CTNNAL1: variants seen among roughly 807,000 people sequenced by gnomAD.
CTNNAL1 encodes the protein alpha-catulin.
Under a neutral mutation model 93.6 loss-of-function variants are expected in CTNNAL1, and 69 were observed. That is an observed-to-expected ratio of 0.74 (90% CI 0.61 to 0.90). CTNNAL1 has a LOEUF of 0.90. CTNNAL1 is among the 40% of genes least tolerant of loss of function. The probability of loss-of-function intolerance (pLI) is 0.00; values close to 1 mark genes in which losing one functional copy is unlikely to be tolerated. For missense variants in CTNNAL1, 836 were observed against 862.0 expected (o/e 0.97, Z 0.38); for synonymous variants, 286 against 305.4 (o/e 0.94, Z 0.66).
intron 8 of CTNNAL1, 40 bp downstream of exon 8, chr9:108,976,922 A>G (rs1458924300): frequency 2.4e-6 from 2 of 819,900 alleles, no homozygotes; most frequent in Non-Finnish European, 3.7e-6. Context: ...CATGAAAATC[A>G]CAAAGAATTA....
chr9:108,960,658 A>C (rs781068344), intron 11 of CTNNAL1, among the ~76,000 whole-genome samples: 1 of 152,242 alleles, frequency 6.6e-6, no homozygotes, highest in Non-Finnish European at 1.5e-5. Context: ...AAATGATTGA[A>C]ATAGAACAAA....
intron 11 of CTNNAL1, among the ~76,000 whole-genome samples, chr9:108,964,341 A>C (rs184806328): frequency 2.9e-4 from 44 of 152,296 alleles, no homozygotes; most frequent in African/African-American, 1.1e-3. Context: ...CATACTCAAT[A>C]AAAAATATGT....
chr9:108,981,286 C>A (rs1831419812), intron 6 of CTNNAL1, among the ~76,000 whole-genome samples: 1 of 152,160 alleles, frequency 6.6e-6, no homozygotes, highest in African/African-American at 2.4e-5. Flanking sequence ...TCTCTTTCAG[C>A]AATAAAATTT....
At chr9:108,946,926 A>G (rs950996193) in intron 15 of CTNNAL1, among the ~76,000 whole-genome samples, 1 of 152,136 alleles carries the variant, frequency 6.6e-6, no homozygotes, top group Non-Finnish European at 1.5e-5. Flanking sequence ...TGAAAAAAAA[A>G]ATAAATTCAG....
At chr9:109,002,101 A>G (rs190523356) in intron 1 of CTNNAL1, among the ~76,000 whole-genome samples, 26 of 152,336 alleles carry the variant, frequency 1.7e-4, no homozygotes, top group Non-Finnish European at 3.8e-4. Flanking sequence ...GGCTCCTATA[A>G]CAAAATACCT....
At position 108,943,745 on chromosome 9, in the gene CTNNAL1, C is replaced by T. The variant is rs1404228416; in HGVS notation, c.2013G>A (p.Gln671=). Residue 671 remains glutamine (Q), a synonymous_variant, in exon 17 of 19, where the codon CAG becomes CAA. Coordinates refer to ENST00000325551, the MANE Select transcript of CTNNAL1 (RefSeq NM_003798.4). ...TCTGCAAAGAAGTCTTAGTTACTGT[C>T]TGGAGCTGGTGGCATAGAGGAATTA... ...NKLIPLCHQL[Q]TVTKTSLQNK... 4.3e-6 allele frequency: 7 copies of T among 1,613,652 alleles called. No individual in the cohort carries two copies. The highest frequency in any genetic ancestry group is 1.6e-4 in the Middle Eastern group (1 of 6,084).
At chr9:108,974,872 C>T (rs838816) in intron 8 of CTNNAL1, among the ~76,000 whole-genome samples, 86,362 of 151,944 alleles carry the variant, frequency 0.57, 24,789 homozygotes, top group South Asian at 0.68. Context: ...AGCCCTTGAC[C>T]GTCTTCAAGA....
At chr9:108,991,313 G>A (rs757017163) in intron 3 of CTNNAL1, among the ~76,000 whole-genome samples, 9 of 152,132 alleles carry the variant, frequency 5.9e-5, no homozygotes, top group Non-Finnish European at 1.3e-4. Context: ...TCAGAGTATA[G>A]AGTCGAAAGG....
At chr9:108,994,617 T>C (rs894842369) in intron 2 of CTNNAL1, among the ~76,000 whole-genome samples, 1 of 152,214 alleles carries the variant, frequency 6.6e-6, no homozygotes, top group Non-Finnish European at 1.5e-5. Flanking sequence ...TTGTGTATAA[T>C]GACAATAGCT....
intron 4 of CTNNAL1, among the ~76,000 whole-genome samples, chr9:108,987,388 A>C (rs1201333370): frequency 6.6e-6 from 1 of 152,160 alleles, no homozygotes; most frequent in Non-Finnish European, 1.5e-5. Context: ...ATTGATCTAT[A>C]TCTCTGTTTT....
chr9:108,991,324 G>C (rs1831796379), intron 3 of CTNNAL1, among the ~76,000 whole-genome samples: 1 of 152,118 alleles, frequency 6.6e-6, no homozygotes. Context: ...AGTCGAAAGG[G>C]AAGTGTGGGA....
intron 1 of CTNNAL1, among the ~76,000 whole-genome samples, chr9:109,000,850 G>T (rs1826794648): frequency 6.6e-6 from 1 of 152,100 alleles, no homozygotes; most frequent in Middle Eastern, 3.4e-3. Flanking sequence ...TGGAATATAG[G>T]GTTCTGGAAT....
intron 11 of CTNNAL1, among the ~76,000 whole-genome samples, chr9:108,957,829 A>G (rs1435339504): frequency 1.3e-5 from 2 of 152,108 alleles, no homozygotes; most frequent in Non-Finnish European, 2.9e-5. Context: ...ATTAAACAGA[A>G]GTAGGAACCC....
chr9:109,013,184 G>T, intron 1 of CTNNAL1, 118 bp downstream of exon 1: 2 of 1,258,460 alleles, frequency 1.6e-6, no homozygotes, highest in Non-Finnish European at 2.1e-6. Context: ...CAAGAACGCC[G>T]CAGTGCCGGC....
Position 108,970,436 on chromosome 9 carries a change from T to C in CTNNAL1, c.1406A>G (p.His469Arg), listed in dbSNP as rs180846178. The change falls in exon 10 of 19, where the codon CAT becomes CGT. Residue 469 changes from histidine to arginine, a missense_variant. Physicochemically the swap from His to Arg is conservative, Grantham distance 29. Transcript: ENST00000325551. ...AGTCACCTGAAATGTCTCCTCTGCA[T>C]GTATACAGGTTATTTCCAGAGGTTC... ...GTEPLEITCI[H>R]AEETFQVTGQ... 5.6e-6 allele frequency: 9 copies of C among 1,612,790 alleles called. No individual in the cohort carries two copies. Among genetic ancestry groups the C allele is most frequent in the Admixed American group, 1.7e-5 (1 of 59,722 alleles).
chr9:108,943,028 G>A lies in CTNNAL1; in HGVS notation c.2072C>T (p.Thr691Met), dbSNP rs763055289. 2.7e-5 allele frequency: 43 copies of A among 1,611,598 alleles called. No individual in the cohort carries two copies. The South Asian group carries it at 4.0e-4, about 15-fold the overall frequency. Residue 691 changes from threonine (T) to methionine (M), a missense_variant, in exon 18 of 19, where the codon ACG (threonine) becomes ATG (methionine). Transcript: ENST00000325551. ...KVFLKVDKCI[T>M]KTRSMMALLV... ...GAGAGCCATCATGGATCTTGTCTTC[G>A]TAATACACTTGTCAACCTACAATGA...
intron 11 of CTNNAL1, among the ~76,000 whole-genome samples, chr9:108,964,376 T>G (rs934656958): frequency 7.2e-5 from 11 of 152,158 alleles, no homozygotes; most frequent in Non-Finnish European, 1.0e-4. Flanking sequence ...GTAAATGACA[T>G]TTTATTTAAA....
intron 6 of CTNNAL1, 138 bp from the exon 7 acceptor site, chr9:108,979,619 T>C (rs1195724558): frequency 1.6e-5 from 12 of 753,122 alleles, no homozygotes; most frequent in African/African-American, 1.1e-4. Context: ...CAGCCACCAA[T>C]GATATCTATA....
rs145557564 is a variant in CTNNAL1, at chr9:108,942,817, G to A, written c.2157C>T (p.Asn719=). Residue 719 remains asparagine, a synonymous_variant, in exon 19 of 19, where the codon AAC becomes AAT. Transcript: ENST00000325551. ...CCTTATTTGTAACTGAGACCCATCCGTTATTTTCCATCTGAAGCTGGAAAG... is the reference window on the plus strand; with the variant it reads ...CCTTATTTGTAACTGAGACCCATCCATTATTTTCCATCTGAAGCTGGAAAG... ...KLLKKLQMEN[N]GWVSVTNKDT... 1.5e-5 allele frequency: 24 copies of A among 1,613,472 alleles called. No homozygotes were observed. The highest frequency in any genetic ancestry group is 3.3e-5 in the Admixed American group (2 of 59,976).
Sources: allele counts gnomAD v4.1 joint callset (sites outside exome capture counted in the v4.1 genomes callset), GRCh38; gene constraint gnomAD v4.1.1; transcripts MANE v1.5; gene names NCBI Gene and HGNC (gene_info 2026-07-23, HGNC 2026-07-21).